Variants in ATL2 observed in about 807,000 individuals in gnomAD.
ATL2 encodes the protein atlastin-2.
In ATL2, 31 loss-of-function variants were observed where a neutral mutation model predicts 73.9. The observed-to-expected ratio is 0.42, with a 90% CI of 0.32 to 0.57. The LOEUF (loss-of-function observed/expected upper bound fraction) is 0.57, where lower values mean the gene tolerates loss of function less well. Among genes scored for constraint, ATL2 ranks in the 20% least tolerant of loss-of-function variants. ATL2 has a pLI of 0.14. For synonymous variants in ATL2, 291 were observed against 237.5 expected, an observed-to-expected ratio of 1.23 and a Z score of -2.07; for missense variants, 738 against 702.6, an observed-to-expected ratio of 1.05 and a Z score of -0.57.
At chr2:38,321,498 A>G (rs1668320287) in intron 2 of ATL2, among the ~76,000 whole-genome samples, 1 of 152,080 alleles carries the variant, frequency 6.6e-6, no homozygotes, top group Non-Finnish European at 1.5e-5. Flanking sequence ...CGGACAAGTA[A>G]AACTGGTGAT....
intron 2 of ATL2, among the ~76,000 whole-genome samples, chr2:38,331,240 C>G (rs867103989): frequency 6.6e-6 from 1 of 151,940 alleles, no homozygotes; most frequent in Non-Finnish European, 1.5e-5. Flanking sequence ...GGAGACCATC[C>G]TGGCCAACTC....
intron 1 of ATL2, among the ~76,000 whole-genome samples, chr2:38,368,343 C>A (rs1173842922): frequency 1.3e-5 from 2 of 151,060 alleles, no homozygotes; most frequent in African/African-American, 4.9e-5. Flanking sequence ...ACCTCCACCT[C>A]CCAGGTTCAA....
rs190655229 is a variant in ATL2, at chr2:38,346,176, C to G, written c.119-2664G>C. On this transcript the variant is annotated intron_variant, in intron 1 of 12. Coordinates refer to ENST00000378954, the MANE Select transcript of ATL2 (RefSeq NM_001135673.4). Reference sequence around the variant, plus strand: ...CTTACCCCTAAATCTAATCAATAACCACCTTCTTAATTTGTCTTCATTTCT... The same window carrying G: ...CTTACCCCTAAATCTAATCAATAACGACCTTCTTAATTTGTCTTCATTTCT... Among the ~76,000 whole-genome samples, 146 of 152,212 alleles carry G rather than the reference C, an allele frequency of 9.6e-4. 2 individuals are homozygous for G. In the Middle Eastern group the frequency reaches 0.017, roughly 18 times the overall value.
intron 2 of ATL2, among the ~76,000 whole-genome samples, chr2:38,328,317 A>C (rs1668784004): frequency 6.6e-6 from 1 of 152,206 alleles, no homozygotes. Flanking sequence ...GAACAGCATC[A>C]ACAATCAAAT....
At chr2:38,333,616 G>C (rs1323245785) in intron 2 of ATL2, among the ~76,000 whole-genome samples, 2 of 152,164 alleles carry the variant, frequency 1.3e-5, no homozygotes, top group Non-Finnish European at 2.9e-5. Context: ...AAAAAGATCT[G>C]TAATTTATGT....
At position 38,294,997 on chromosome 2, in the gene ATL2, G is replaced by C. The variant is rs967391913; in HGVS notation, c.*997C>G. On this transcript the variant is annotated 3_prime_UTR_variant, in exon 13 of 13. Transcript: ENST00000378954. ...TAAACATTCCCATTGAATTCCCTTGGTGGGCGGGGGGGGGGTGAGATTGCA... is the reference window on the plus strand; with the variant it reads ...TAAACATTCCCATTGAATTCCCTTGCTGGGCGGGGGGGGGGTGAGATTGCA... 2 of 101,686 alleles carry C rather than the reference G, an allele frequency of 2.0e-5. No individual in the cohort carries two copies. Among genetic ancestry groups the C allele is most frequent in the East Asian group, 4.3e-4 (2 of 4,662 alleles). 6.3% of individuals were successfully genotyped at this position (101,686 alleles called of 1,614,324 possible). A position where few individuals can be genotyped will look rare whatever the true frequency, so the allele number is the denominator to read the frequency against.
At position 38,312,033 on chromosome 2, in the gene ATL2, A is replaced by G. The variant is rs114301241; in HGVS notation, c.804+1118T>C. ...TTTAAAACTAAAAGAAAATTATATC[A>G]TACCCCAAGTCTTTAATGCAGTTGA... On this transcript the variant is annotated intron_variant, in intron 7 of 12. Coordinates refer to ENST00000378954, the MANE Select transcript of ATL2 (RefSeq NM_001135673.4). Among the ~76,000 whole-genome samples the G allele has an allele frequency of 5.8e-4, 89 of 152,336 alleles. 1 individual carries two copies. Among genetic ancestry groups the G allele is most frequent in the Middle Eastern group, 3.4e-3 (1 of 294 alleles).
Position 38,310,423 on chromosome 2 carries a change from G to T in ATL2, c.829C>A (p.Leu277Ile). 1 of 1,602,958 alleles carries T rather than the reference G, an allele frequency of 6.2e-7. No individual in the cohort carries two copies. The highest frequency in any genetic ancestry group is 8.5e-7 in the Non-Finnish European group (1 of 1,175,882). ...LQVKQNQHEELQNVRKHIHNC... is the reference protein window; with the variant it reads ...LQVKQNQHEEIQNVRKHIHNC... Reference sequence around the variant, plus strand: ...TGTATGTGCTTCCTTACATTCTGAAGCTCTTCATGTTGATTTTGTTTTACC... The same window carrying T: ...TGTATGTGCTTCCTTACATTCTGAATCTCTTCATGTTGATTTTGTTTTACC... Residue 277 changes from leucine (L) to isoleucine (I), a missense_variant, in exon 8 of 13, where the codon CTT becomes ATT. Coordinates refer to ENST00000378954, the MANE Select transcript of ATL2 (RefSeq NM_001135673.4).
At chr2:38,367,166 T>C (rs72906126) in intron 1 of ATL2, among the ~76,000 whole-genome samples, 8,905 of 152,098 alleles carry the variant, frequency 0.059, 873 homozygotes, top group African/African-American at 0.2. Context: ...GGTTTTTTTT[T>C]AGGTTTTAAG....
At chr2:38,370,565 G>T (rs985148971) in intron 1 of ATL2, among the ~76,000 whole-genome samples, 1 of 151,050 alleles carries the variant, frequency 6.6e-6, no homozygotes, top group Non-Finnish European at 1.5e-5. Flanking sequence ...GTGGTCAGAA[G>T]TTTGAGACCA....
At chr2:38,329,487 A>G (rs1443482971) in intron 2 of ATL2, among the ~76,000 whole-genome samples, 1 of 151,284 alleles carries the variant, frequency 6.6e-6, no homozygotes, top group Admixed American at 6.6e-5. Context: ...AGGATTTACA[A>G]AGCCCAACTG....
Position 38,295,179 on chromosome 2 carries a change from A to T in ATL2, c.*815T>A, listed in dbSNP as rs1666828594. 1 of 152,194 alleles carries T rather than the reference A, an allele frequency of 6.6e-6. No individual in the cohort carries two copies. Among genetic ancestry groups the T allele is most frequent in the African/African-American group, 2.4e-5 (1 of 41,440 alleles). The allele number at this position is 152,194 out of a possible 1,614,324, so 9.4% of individuals were successfully genotyped here. A position where few individuals can be genotyped will look rare whatever the true frequency, so the allele number is the denominator to read the frequency against. On this transcript the variant is annotated 3_prime_UTR_variant, in exon 13 of 13. Transcript: ENST00000378954. Reference sequence around the variant, plus strand: ...CATAAACTACAAAACTTTTAATACAAAATCGTATTTATATATTTATAAGTC... The same window carrying T: ...CATAAACTACAAAACTTTTAATACATAATCGTATTTATATATTTATAAGTC...
chr2:38,370,057 G>T (rs954238334), intron 1 of ATL2, among the ~76,000 whole-genome samples: 1 of 149,316 alleles, frequency 6.7e-6, no homozygotes, highest in Non-Finnish European at 1.5e-5. Flanking sequence ...GGGAGGCTCA[G>T]GCAGAAGAAT....
rs1230329500 is a variant in ATL2, at chr2:38,325,655, CACCAGT to C, written c.364-6642_364-6637del. On this transcript the variant is annotated intron_variant, in intron 2 of 12. Coordinates refer to ENST00000378954, the MANE Select transcript of ATL2 (RefSeq NM_001135673.4). ...ACACACACACACACACACACACACA[CACCAGT>C]ACACACACACACACACACACACACA... Among the ~76,000 whole-genome samples, 6 of 70,000 alleles carry C rather than the reference CACCAGT, an allele frequency of 8.6e-5. 1 individual carries two copies. The highest frequency in any genetic ancestry group is 9.5e-5 in the African/African-American group (1 of 10,520). The allele number at this position is 70,000 out of a possible 152,430, so 45.9% of individuals were successfully genotyped here.
upstream of ATL2, among the ~76,000 whole-genome samples, chr2:38,377,738 CCCT>C (rs1467484788): frequency 6.6e-6 from 1 of 151,710 alleles, no homozygotes; most frequent in East Asian, 2.0e-4. Flanking sequence ...TTTCATCGCC[CCCT>C]CCTCATCACA....
chr2:38,360,859 G>C (rs1670974418), intron 1 of ATL2, among the ~76,000 whole-genome samples: 1 of 151,586 alleles, frequency 6.6e-6, no homozygotes, highest in South Asian at 2.1e-4. Context: ...ATATCCTAGA[G>C]AAATTCCTGC....
At chr2:38,339,041 C>G (rs1669540114) in intron 2 of ATL2, among the ~76,000 whole-genome samples, 2 of 152,054 alleles carry the variant, frequency 1.3e-5, no homozygotes. Flanking sequence ...CATGGTGAAA[C>G]CCCATCTCTA....
chr2:38,325,665 C>CCAGT (rs1668578274), intron 2 of ATL2, among the ~76,000 whole-genome samples: 2 of 33,416 alleles, frequency 6.0e-5, no homozygotes, highest in South Asian at 1.1e-3. Context: ...CACCAGTACA[C>CCAGT]ACACACACAC....
At chr2:38,350,884 A>C (rs1370944738) in intron 1 of ATL2, among the ~76,000 whole-genome samples, 3 of 152,194 alleles carry the variant, frequency 2.0e-5, no homozygotes, top group Non-Finnish European at 4.4e-5. Flanking sequence ...CAAAATTTAC[A>C]CTTCAGGGCT....
Sources: allele counts gnomAD v4.1 joint callset (sites outside exome capture counted in the v4.1 genomes callset), GRCh38; gene constraint gnomAD v4.1.1; transcripts MANE v1.5; gene names NCBI Gene and HGNC (gene_info 2026-07-23, HGNC 2026-07-21).